HMGB1: variants seen among roughly 807,000 people sequenced by gnomAD.
The protein encoded by HMGB1 is high mobility group box 1, also known as high mobility group protein B1.
For missense variants in HMGB1, 79 were observed against 253.5 expected (o/e 0.31, Z 4.67); for synonymous variants, 81 against 84.0 (o/e 0.96, Z 0.19).
intron 1 of HMGB1, among the ~76,000 whole-genome samples, chr13:30,546,181 TCTC>T (rs1869149808): frequency 1.1e-4 from 16 of 152,154 alleles, no homozygotes; most frequent in Admixed American, 1.0e-3. Context: ...AGTAGCGTGA[TCTC>T]AGCCCACTGT....
chr13:30,566,362 T>C (rs1267093352), intron 1 of HMGB1, among the ~76,000 whole-genome samples: 1 of 152,198 alleles, frequency 6.6e-6, no homozygotes, highest in Non-Finnish European at 1.5e-5. Context: ...TTAGAGTTTC[T>C]GGGCCACATA....
intron 1 of HMGB1, among the ~76,000 whole-genome samples, chr13:30,535,761 A>G (rs74732380): frequency 0.013 from 2,036 of 152,286 alleles, 47 homozygotes; most frequent in African/African-American, 0.046. Context: ...GTGGTGCCAC[A>G]TGCCTGTTAT....
chr13:30,617,546 A>G (rs1950581283), exon 1 of HMGB1: 1 of 152,242 alleles, frequency 6.6e-6, no homozygotes, highest in Non-Finnish European at 1.5e-5. Flanking sequence ...CGGACCACGG[A>G]ACAGCGACGC....
chr13:30,467,501 A>T (rs1886822985), upstream of HMGB1, among the ~76,000 whole-genome samples: 1 of 152,236 alleles, frequency 6.6e-6, no homozygotes. Context: ...AATATATCAC[A>T]CATGCACATG....
upstream of HMGB1, chr13:30,465,984 C>T: frequency 4.1e-6 from 4 of 985,368 alleles, no homozygotes; most frequent in Non-Finnish European, 4.8e-6. Context: ...ACTCACGGGG[C>T]TCGCTCATTG....
At chr13:30,581,400 C>T (rs1870896112) in intron 1 of HMGB1, among the ~76,000 whole-genome samples, 1 of 152,168 alleles carries the variant, frequency 6.6e-6, no homozygotes, top group African/African-American at 2.4e-5. Flanking sequence ...TGAATCCTGC[C>T]TGCTGCTCAT....
intron 1 of HMGB1, chr13:30,464,183 ACACCCTCTTTGCATAAAACTTTGCTC>A (rs1886554063): frequency 2.0e-6 from 2 of 984,708 alleles, no homozygotes; most frequent in Admixed American, 1.2e-4. Flanking sequence ...GTTTCAAAAA[ACACCCTCTTTGCATAAAACTTTGCTC>A]CAAAGAGGGA....
chr13:30,464,472 GC>G (rs1286103296), intron 1 of HMGB1: 3 of 984,846 alleles, frequency 3.0e-6, no homozygotes, highest in Non-Finnish European at 2.4e-6. Flanking sequence ...CGCGGGGCGA[GC>G]CCCCCGCCCC....
intron 1 of HMGB1, among the ~76,000 whole-genome samples, chr13:30,583,287 C>T (rs1260441042): frequency 6.6e-6 from 1 of 152,104 alleles, no homozygotes; most frequent in Non-Finnish European, 1.5e-5. Flanking sequence ...AATCTCAGCA[C>T]TTTGGGAGAC....
intron 1 of HMGB1, among the ~76,000 whole-genome samples, chr13:30,606,423 G>A (rs1392061295): frequency 1.3e-5 from 2 of 151,622 alleles, no homozygotes; most frequent in Non-Finnish European, 2.9e-5. Flanking sequence ...TTTACCCTAA[G>A]AATTCATAGG....
intron 1 of HMGB1, among the ~76,000 whole-genome samples, chr13:30,478,172 C>T (rs1204149638): frequency 6.6e-6 from 1 of 152,074 alleles, no homozygotes; most frequent in African/African-American, 2.4e-5. Context: ...AGGAAATATT[C>T]AGAAATAAGT....
At chr13:30,520,613 C>T (rs908355435) in intron 1 of HMGB1, among the ~76,000 whole-genome samples, 1 of 152,114 alleles carries the variant, frequency 6.6e-6, no homozygotes, top group African/African-American at 2.4e-5. Context: ...GAGTGAGACT[C>T]CGTCTCAATA....
chr13:30,590,107 A>G lies in HMGB1; in HGVS notation c.-15+26564T>C, dbSNP rs148649642. Among the ~76,000 whole-genome samples the G allele has an allele frequency of 5.3e-3, 806 of 152,206 alleles. 7 individuals are homozygous for G. Among genetic ancestry groups the G allele is most frequent in the African/African-American group, 0.017 (721 of 41,546 alleles). ...TTATAAATGAAATAGAGATTACTTA[A>G]AACAAAGGGCTGTAAGGTAGCACTG... On this transcript the variant is annotated intron_variant, in intron 1 of 4. Coordinates refer to the HMGB1 transcript ENST00000405805.
At chr13:30,592,626 G>A (rs941401933) in intron 1 of HMGB1, among the ~76,000 whole-genome samples, 3 of 152,052 alleles carry the variant, frequency 2.0e-5, no homozygotes, top group Middle Eastern at 6.8e-3. Flanking sequence ...TTGTGGCTGG[G>A]AATATGTTAG....
rs1017938457 is a variant in HMGB1 at position 30,462,414 on chromosome 13, G to A, written c.471+124C>T. On this transcript the variant is annotated intron_variant, in intron 4 of 4. Transcript: ENST00000341423. ...TCCTCTGCATTCTTTGAAGGATGAG[G>A]ACTTATATCAACACCATACTTAATG... The A allele has an allele frequency of 9.2e-5, 76 of 822,932 alleles. 1 individual carries two copies. The highest frequency in any genetic ancestry group is 2.0e-4 in the South Asian group (15 of 74,756). The allele number at this position is 822,932 out of a possible 1,614,324, so 51.0% of individuals were successfully genotyped here. A position where few individuals can be genotyped will look rare whatever the true frequency, so the allele number is the denominator to read the frequency against.
At chr13:30,587,625 G>GT (rs1375470953) in intron 1 of HMGB1, among the ~76,000 whole-genome samples, 8 of 152,172 alleles carry the variant, frequency 5.3e-5, no homozygotes. Context: ...TGAGGTACAG[G>GT]TATGTCTTTT....
intron 1 of HMGB1, among the ~76,000 whole-genome samples, chr13:30,526,348 C>T (rs1333262795): frequency 2.6e-5 from 4 of 152,228 alleles, no homozygotes; most frequent in Non-Finnish European, 4.4e-5. Flanking sequence ...CAAGCCACTA[C>T]GCCTGGCCCA....
intron 1 of HMGB1, among the ~76,000 whole-genome samples, chr13:30,513,995 C>T (rs920050687): frequency 6.6e-6 from 1 of 152,058 alleles, no homozygotes; most frequent in East Asian, 1.9e-4. Flanking sequence ...GTGATCCTCT[C>T]GCCTCAGCTC....
chr13:30,474,951 C>CTTTTTT (rs1887041427), intron 1 of HMGB1, among the ~76,000 whole-genome samples: 4 of 28,092 alleles, frequency 1.4e-4, no homozygotes, highest in Admixed American at 4.3e-4. Context: ...TTTTTCTTTT[C>CTTTTTT]TTTTTTTGTT....
Sources: allele counts gnomAD v4.1 joint callset (sites outside exome capture counted in the v4.1 genomes callset), GRCh38; gene constraint gnomAD v4.1.1; transcripts MANE v1.5; gene names NCBI Gene and HGNC (gene_info 2026-07-23, HGNC 2026-07-21).